The following TUB variants were observed in gnomAD, a reference collection of about 807,000 sequenced individuals.
TUB encodes TUB bipartite transcription factor.
Under a neutral mutation model 59.7 loss-of-function variants are expected in TUB, and 33 were observed. That is an observed-to-expected ratio of 0.55 (90% CI 0.42 to 0.74). The LOEUF (loss-of-function observed/expected upper bound fraction) is 0.74. Among genes scored for constraint, TUB ranks in the 30% least tolerant of loss-of-function variants. The pLI is 0.00. For synonymous variants in TUB, 293 were observed against 256.4 expected, an observed-to-expected ratio of 1.14 and a Z score of -1.36; for missense variants, 659 against 672.0, an observed-to-expected ratio of 0.98 and a Z score of 0.21.
At chr11:8,050,681 C>T (rs974225440) in intron 2 of TUB, among the ~76,000 whole-genome samples, 7 of 152,172 alleles carry the variant, frequency 4.6e-5, no homozygotes, top group African/African-American at 1.7e-4. Context: ...AAAAAGCTTT[C>T]CATAAATAAA....
intron 10 of TUB, 93 bp downstream of exon 10, chr11:8,100,694 G>A (rs1185929652): frequency 6.7e-6 from 10 of 1,482,770 alleles, no homozygotes; most frequent in South Asian, 5.7e-5. Context: ...TGTGTATGTG[G>A]AGGGGTACCA....
upstream of TUB, among the ~76,000 whole-genome samples, chr11:8,078,268 A>C (rs1943482083): frequency 6.6e-6 from 1 of 152,120 alleles, no homozygotes; most frequent in Non-Finnish European, 1.5e-5. Flanking sequence ...CCTAAAATGC[A>C]AACAGGATGA....
chr11:8,055,142 C>G (rs1382135433), intron 2 of TUB, among the ~76,000 whole-genome samples: 1 of 152,208 alleles, frequency 6.6e-6, no homozygotes, highest in Non-Finnish European at 1.5e-5. Flanking sequence ...GCAGCATCTT[C>G]TGCAAGGACC....
At chr11:8,083,874 C>T (rs771242115) in intron 1 of TUB, among the ~76,000 whole-genome samples, 5 of 152,186 alleles carry the variant, frequency 3.3e-5, no homozygotes, top group Non-Finnish European at 7.3e-5. Flanking sequence ...TGGCAAAGTA[C>T]TGGAACTGGG....
upstream of TUB, among the ~76,000 whole-genome samples, chr11:8,037,644 AG>A (rs1472221289): frequency 1.3e-5 from 2 of 152,130 alleles, no homozygotes; most frequent in Non-Finnish European, 2.9e-5. Context: ...ATGGACATGG[AG>A]GGGAAGTAGT....
intron 4 of TUB, 37 bp downstream of exon 4, chr11:8,094,226 C>G (rs767959526): frequency 1.3e-6 from 2 of 1,571,878 alleles, no homozygotes; most frequent in Non-Finnish European, 1.7e-6. Context: ...CCCAGCAGGC[C>G]TGGCCTCCAC....
At chr11:8,035,596 C>G (rs1026686251), upstream of TUB, 29 of 152,436 alleles carry the variant, frequency 1.9e-4, no homozygotes, top group African/African-American at 6.7e-4. Context: ...TCATTCCATC[C>G]CACTGGACCC....
rs1375341265 is a variant in TUB, at chr11:8,095,613, T to G, written c.513T>G (p.Gly171=). 1 of 1,612,062 alleles carries G rather than the reference T, an allele frequency of 6.2e-7. No individual in the cohort carries two copies. Among genetic ancestry groups the G allele is most frequent in the East Asian group, 2.2e-5 (1 of 44,826 alleles). Residue 171 remains glycine, a synonymous_variant, in exon 5 of 12, where the codon GGT becomes GGG. Coordinates refer to ENST00000299506, the MANE Select transcript of TUB (RefSeq NM_177972.3). ...HAQDAGETAA[G]GGERPSGQDL... is the part of the protein sequence containing the mutation. Reference sequence around the variant, plus strand: ...AGGACGCAGGGGAGACGGCAGCTGGTGGGGGCGAACGGCCCAGCGGGCAGG... The same window carrying G: ...AGGACGCAGGGGAGACGGCAGCTGGGGGGGGCGAACGGCCCAGCGGGCAGG...
chr11:8,058,057 CA>C (rs1420594404), intron 2 of TUB, among the ~76,000 whole-genome samples: 1 of 151,542 alleles, frequency 6.6e-6, no homozygotes, highest in Non-Finnish European at 1.5e-5. Flanking sequence ...CAAAAAAATA[CA>C]AAAATTAGCC....
chr11:8,023,366 G>T (rs1178817983), intron 1 of TUB, among the ~76,000 whole-genome samples: 1 of 152,182 alleles, frequency 6.6e-6, no homozygotes, highest in Non-Finnish European at 1.5e-5. Flanking sequence ...ACCAAAATAT[G>T]ATGCCTACAT....
chr11:8,047,724 G>A (rs1942858216), intron 2 of TUB, among the ~76,000 whole-genome samples: 1 of 152,208 alleles, frequency 6.6e-6, no homozygotes, highest in Non-Finnish European at 1.5e-5. Context: ...AGGGATCCCT[G>A]ATGAATCATC....
At chr11:8,019,384 CGTGAGCGCCT>C (rs1283013188) in intron 1 of TUB, 1 of 1,237,498 alleles carries the variant, frequency 8.1e-7, no homozygotes. Context: ...GGTGGCCCTG[CGTGAGCGCCT>C]GCTGACCCTC....
chr11:8,050,904 T>C (rs887994765), intron 2 of TUB, among the ~76,000 whole-genome samples: 5 of 152,190 alleles, frequency 3.3e-5, no homozygotes, highest in Admixed American at 2.0e-4. Flanking sequence ...TATGAGACAA[T>C]TGCACACATA....
exon 1 of TUB, chr11:8,038,874 A>G (rs1425858617): frequency 6.2e-7 from 1 of 1,613,744 alleles, no homozygotes; most frequent in East Asian, 2.2e-5. Context: ...TGTGGCCACG[A>G]TGGGGGCCAG....
intron 1 of TUB, among the ~76,000 whole-genome samples, chr11:8,021,489 A>G (rs1034280445): frequency 9.2e-5 from 14 of 152,100 alleles, no homozygotes; most frequent in Admixed American, 9.2e-4. Context: ...AAATAAATAA[A>G]TGAGGTAATA....
intron 3 of TUB, among the ~76,000 whole-genome samples, chr11:8,090,871 T>A (rs540277892): frequency 6.6e-6 from 1 of 151,954 alleles, no homozygotes; most frequent in Admixed American, 6.6e-5. Flanking sequence ...CCCTCCTTCC[T>A]GCTTGGGTTA....
upstream of TUB, among the ~76,000 whole-genome samples, chr11:8,079,491 G>A (rs566099305): frequency 2.4e-4 from 37 of 152,260 alleles, no homozygotes; most frequent in Middle Eastern, 0.017. Flanking sequence ...CCACTCCCAG[G>A]TGTTTTATTT....
At chr11:8,029,534 G>A (rs1301310110) in intron 1 of TUB, among the ~76,000 whole-genome samples, 1 of 151,848 alleles carries the variant, frequency 6.6e-6, no homozygotes, top group Non-Finnish European at 1.5e-5. Context: ...GATGACAGGT[G>A]CCCACCACAA....
chr11:8,059,570 C>A (rs753137607), intron 2 of TUB, among the ~76,000 whole-genome samples: 1 of 152,066 alleles, frequency 6.6e-6, no homozygotes, highest in Non-Finnish European at 1.5e-5. Flanking sequence ...AAGCCTTGAT[C>A]TGAGGAGACG....
Sources: allele counts gnomAD v4.1 joint callset (sites outside exome capture counted in the v4.1 genomes callset), GRCh38; gene constraint gnomAD v4.1.1; transcripts MANE v1.5; gene names NCBI Gene and HGNC (gene_info 2026-07-23, HGNC 2026-07-21).